Variants in FOXP1 observed in about 807,000 individuals in gnomAD.
FOXP1 encodes forkhead box protein P1.
In FOXP1, 15 loss-of-function variants were observed where a neutral mutation model predicts 98.2. The ratio of observed to expected loss-of-function variants is 0.15; its 90% CI spans 0.10 to 0.24. The LOEUF (loss-of-function observed/expected upper bound fraction) is 0.24. FOXP1 is among the 10% of genes least tolerant of loss of function. The pLI is 1.00. For missense variants in FOXP1, 633 were observed against 848.5 expected, an observed-to-expected ratio of 0.75 and a Z score of 3.15; for synonymous variants, 371 against 314.5, an observed-to-expected ratio of 1.18 and a Z score of -1.90.
rs869086663 is a variant in FOXP1 at position 71,404,120 on chromosome 3, C to CTTTTTTTTTTTTTTT, written c.-167-44891_-167-44877dup. Among the ~76,000 whole-genome samples the CTTTTTTTTTTTTTTT allele has an allele frequency of 8.6e-4, 54 of 62,712 alleles. 3 individuals are homozygous for CTTTTTTTTTTTTTTT. The highest frequency in any genetic ancestry group is 1.2e-3 in the Non-Finnish European group (42 of 35,850). 41.1% of individuals were successfully genotyped at this position (62,712 alleles called of 152,430 possible). A position where few individuals can be genotyped will look rare whatever the true frequency, so the allele number is the denominator to read the frequency against. ...ATTGGGGTTTTTTTCTTTTCTTTTT[C>CTTTTTTTTTTTTTTT]TTTTTTTTTTTTTTTTTTTTTTTTG... On this transcript the variant is annotated intron_variant, in intron 3 of 20. Transcript: ENST00000649528.
At chr3:71,444,770 A>G (rs754232239) in intron 3 of FOXP1, among the ~76,000 whole-genome samples, 16 of 152,114 alleles carry the variant, frequency 1.1e-4, no homozygotes, top group Non-Finnish European at 1.6e-4. Flanking sequence ...CCTACATCAG[A>G]TAAGAAGCCA....
At chr3:71,389,257 G>A (rs1393122442) in intron 3 of FOXP1, among the ~76,000 whole-genome samples, 2 of 100,088 alleles carry the variant, frequency 2.0e-5, no homozygotes, top group African/African-American at 3.8e-5. Flanking sequence ...GGGGGGCCGG[G>A]GGGGGCGGGT....
intron 2 of FOXP1, among the ~76,000 whole-genome samples, chr3:71,502,138 A>C (rs1577881995): frequency 6.6e-6 from 1 of 152,298 alleles, no homozygotes; most frequent in Admixed American, 6.5e-5. Flanking sequence ...TTTCACAAAT[A>C]CCTTCCACTC....
intron 3 of FOXP1, among the ~76,000 whole-genome samples, chr3:71,464,263 G>A (rs1308768577): frequency 2.0e-5 from 3 of 152,152 alleles, no homozygotes; most frequent in Admixed American, 2.0e-4. Flanking sequence ...GCGACAGAAC[G>A]AGATCCTGTC....
intron 5 of FOXP1, among the ~76,000 whole-genome samples, chr3:71,212,208 G>A (rs945905859): frequency 2.0e-5 from 3 of 152,120 alleles, no homozygotes; most frequent in African/African-American, 4.8e-5. Context: ...ACAGTAATGC[G>A]AATTGGTGAA....
intron 5 of FOXP1, among the ~76,000 whole-genome samples, chr3:71,201,144 T>C (rs1431713420): frequency 6.6e-6 from 1 of 152,232 alleles, no homozygotes; most frequent in Non-Finnish European, 1.5e-5. Context: ...CTTTAGAAAT[T>C]GCAGTTATAT....
Position 71,254,159 on chromosome 3 carries a change from A to G in FOXP1, c.-12+45661T>C, listed in dbSNP as rs116823061. On this transcript the variant is annotated intron_variant, in intron 5 of 20. Coordinates refer to ENST00000649528, the MANE Select transcript of FOXP1 (RefSeq NM_001349338.3). The stretch of plus-strand genomic sequence containing the variant: ...TAACTAATCCAACCTCCATGCCTTA[A>G]TAAGTTACTCTGGGTATTTTCCTCC... Among the ~76,000 whole-genome samples the G allele has an allele frequency of 3.6e-3, 549 of 152,306 alleles. 4 individuals are homozygous for G. The highest frequency in any genetic ancestry group is 0.013 in the African/African-American group (538 of 41,576).
At position 71,144,453 on chromosome 3, in the gene FOXP1, G is replaced by A. The variant is rs139825157; in HGVS notation, c.181-31816C>T. ...GGGTGTTGTTCAGAGGTCCCAGTGC[G>A]TGTGCTAGAGTCTCCACACCTGAGC... is the stretch of plus-strand genomic sequence containing the variant. On this transcript the variant is annotated intron_variant, in intron 6 of 20. Coordinates refer to ENST00000649528, the MANE Select transcript of FOXP1 (RefSeq NM_001349338.3). Among the ~76,000 whole-genome samples the A allele has an allele frequency of 9.2e-5, 14 of 152,302 alleles. No homozygotes were observed. In the East Asian group the frequency reaches 1.5e-3, roughly 17 times the overall value.
intron 3 of FOXP1, among the ~76,000 whole-genome samples, chr3:71,396,953 T>TACAC (rs2081442483): frequency 7.5e-5 from 4 of 53,018 alleles, no homozygotes; most frequent in African/African-American, 3.0e-4. Flanking sequence ...TATATGTGTA[T>TACAC]ATATATATAT....
chr3:71,411,566 C>T (rs2082748870), intron 3 of FOXP1, among the ~76,000 whole-genome samples: 1 of 152,154 alleles, frequency 6.6e-6, no homozygotes, highest in Non-Finnish European at 1.5e-5. Flanking sequence ...TCGTGATCCA[C>T]CCGCCCTGGC....
At chr3:71,535,270 C>T (rs59592704) in intron 2 of FOXP1, among the ~76,000 whole-genome samples, 4,699 of 152,146 alleles carry the variant, frequency 0.031, 245 homozygotes, top group African/African-American at 0.11. Context: ...AACTTCAGAA[C>T]CTGACCTTCA....
At chr3:71,432,688 G>A (rs116795858) in intron 3 of FOXP1, among the ~76,000 whole-genome samples, 2,615 of 151,826 alleles carry the variant, frequency 0.017, 72 homozygotes, top group African/African-American at 0.06. Context: ...ACTCATGATC[G>A]CTTCACCCCA....
intron 3 of FOXP1, among the ~76,000 whole-genome samples, chr3:71,376,578 C>T (rs1221907659): frequency 6.6e-6 from 1 of 152,212 alleles, no homozygotes; most frequent in Non-Finnish European, 1.5e-5. Flanking sequence ...GAACTTGTGG[C>T]CATCTGAACT....
intron 3 of FOXP1, among the ~76,000 whole-genome samples, chr3:71,459,001 G>GA (rs1334695302): frequency 1.3e-5 from 2 of 152,150 alleles, no homozygotes; most frequent in Non-Finnish European, 2.9e-5. Context: ...TAATAAAAAT[G>GA]AAATCAAGAA....
At chr3:71,383,698 CT>C (rs1226373447) in intron 3 of FOXP1, among the ~76,000 whole-genome samples, 1 of 152,162 alleles carries the variant, frequency 6.6e-6, no homozygotes, top group Non-Finnish European at 1.5e-5. Context: ...TCAGCTCATC[CT>C]TGACACATCG....
At chr3:71,182,738 G>A (rs1402900482) in intron 6 of FOXP1, among the ~76,000 whole-genome samples, 1 of 151,580 alleles carries the variant, frequency 6.6e-6, no homozygotes, top group Non-Finnish European at 1.5e-5. Flanking sequence ...TAGTAGATAC[G>A]AGGTCTAAGC....
At chr3:71,098,379 AG>A (rs2056661755) in intron 7 of FOXP1, among the ~76,000 whole-genome samples, 1 of 152,204 alleles carries the variant, frequency 6.6e-6, no homozygotes, top group Non-Finnish European at 1.5e-5. Context: ...AAATGTACAA[AG>A]GCAGGCACAG....
chr3:71,533,659 G>A (rs988688266), intron 2 of FOXP1, among the ~76,000 whole-genome samples: 1 of 152,014 alleles, frequency 6.6e-6, no homozygotes, highest in African/African-American at 2.4e-5. Context: ...CTTTAATTCT[G>A]CAGAATTATT....
At chr3:71,329,289 T>G (rs1179186006) in intron 4 of FOXP1, among the ~76,000 whole-genome samples, 2 of 152,082 alleles carry the variant, frequency 1.3e-5, no homozygotes, top group South Asian at 4.2e-4. Context: ...TGTCGTGATC[T>G]CTGCTCACTG....
Sources: allele counts gnomAD v4.1 joint callset (sites outside exome capture counted in the v4.1 genomes callset), GRCh38; gene constraint gnomAD v4.1.1; transcripts MANE v1.5; gene names NCBI Gene and HGNC (gene_info 2026-07-23, HGNC 2026-07-21).